Variants in ANKRD36 observed in about 807,000 individuals in gnomAD.
ANKRD36 encodes ankyrin repeat domain 36.
A neutral mutation model predicts 278.1 loss-of-function variants in ANKRD36; 179 were observed. That is an observed-to-expected ratio of 0.64 (90% CI 0.57 to 0.73). The LOEUF (loss-of-function observed/expected upper bound fraction) is 0.73, where lower values mean the gene tolerates loss of function less well. Ranked by LOEUF, ANKRD36 falls within the 30% of genes least tolerant of loss-of-function variation. The probability of loss-of-function intolerance (pLI) is 0.00; values close to 1 mark genes in which losing one functional copy is unlikely to be tolerated. For missense variants in ANKRD36, 1,159 were observed against 1,956.7 expected (o/e 0.59, Z 7.69); for synonymous variants, 320 against 641.1 (o/e 0.50, Z 7.57).
chr2:97,215,708 A>G, intron 62 of ANKRD36: 1 of 1,392,162 alleles, frequency 7.2e-7, no homozygotes, highest in South Asian at 1.3e-5. Context: ...CCTACATTGA[A>G]ATTGGGAAGA....
At chr2:97,176,870 C>G (rs1173454772) in intron 22 of ANKRD36, among the ~76,000 whole-genome samples, 1 of 151,638 alleles carries the variant, frequency 6.6e-6, no homozygotes, top group African/African-American at 2.4e-5. Context: ...TATTTTATTT[C>G]TCCTTCACTT....
intron 44 of ANKRD36, among the ~76,000 whole-genome samples, chr2:97,199,016 T>C (rs1425729992): frequency 6.6e-6 from 1 of 151,892 alleles, no homozygotes; most frequent in East Asian, 1.9e-4. Flanking sequence ...CAGCTCGCAC[T>C]GCCAAGAAAA....
intron 32 of ANKRD36, 120 bp from the exon 33 acceptor site, chr2:97,188,967 A>C (rs1320646751): frequency 3.9e-6 from 2 of 518,052 alleles, no homozygotes; most frequent in African/African-American, 3.2e-5. Flanking sequence ...AAAGTAGAAG[A>C]CATCAGAGCC....
At chr2:97,207,305 A>T (rs74214252) in intron 52 of ANKRD36, among the ~76,000 whole-genome samples, 3,271 of 151,594 alleles carry the variant, frequency 0.022, 112 homozygotes, top group African/African-American at 0.068. Context: ...GGTCACTTCC[A>T]CTGAAGAGAT....
At chr2:97,187,172 G>T in intron 30 of ANKRD36, 26 bp from the exon 31 acceptor site, 2 of 1,608,992 alleles carry the variant, frequency 1.2e-6, no homozygotes, top group Non-Finnish European at 1.7e-6. Flanking sequence ...ACATATGAGT[G>T]ATTATGTATC....
At position 97,194,291 on chromosome 2, in the gene ANKRD36, G is replaced by C. The variant is rs1398010234; in HGVS notation, c.2450-435G>C. ...GTGTGCCTTCTCATTTATTGGGCAAGTTAAAGAGCATGAAAAATGTTTGTA... is the reference window on the plus strand; with the variant it reads ...GTGTGCCTTCTCATTTATTGGGCAACTTAAAGAGCATGAAAAATGTTTGTA... On this transcript the variant is annotated intron_variant, in intron 38 of 75. Transcript: ENST00000420699. 1.3e-4 allele frequency among the ~76,000 whole-genome samples: 20 copies of C among 151,568 alleles called. No homozygotes were observed. In the Admixed American group the frequency reaches 1.3e-3, roughly 10 times the overall value.
intron 48 of ANKRD36, among the ~76,000 whole-genome samples, chr2:97,202,671 C>G (rs2061714945): frequency 6.6e-6 from 1 of 151,802 alleles, no homozygotes; most frequent in African/African-American, 2.4e-5. Context: ...CATAGTTTTG[C>G]TTTAATCCTC....
chr2:97,152,388 C>G (rs2046294295), intron 13 of ANKRD36, 116 bp from the exon 14 acceptor site: 2 of 837,226 alleles, frequency 2.4e-6, no homozygotes, highest in Non-Finnish European at 3.6e-6. Context: ...ATACTTCTGC[C>G]TCAGCCTTCT....
At chr2:97,151,258 A>G (rs2045895480) in intron 12 of ANKRD36, among the ~76,000 whole-genome samples, 2 of 151,814 alleles carry the variant, frequency 1.3e-5, no homozygotes, top group Non-Finnish European at 2.9e-5. Flanking sequence ...ACAGCTTTCT[A>G]TTTAGTAGCT....
Position 97,202,183 on chromosome 2 carries a change from A to T in ANKRD36, c.2858-19A>T. 2.5e-6 allele frequency: 4 copies of T among 1,609,006 alleles called. No individual in the cohort carries two copies. The highest frequency in any genetic ancestry group is 3.4e-6 in the Non-Finnish European group (4 of 1,178,472). ...TCATATTTACGTATGACTGATTATG[A>T]ATCCCTTTTGCTTTTCAGTGTCTTC... On this transcript the variant is annotated intron_variant, in intron 46 of 75. Transcript: ENST00000420699.
intron 48 of ANKRD36, among the ~76,000 whole-genome samples, chr2:97,202,668 T>C (rs2061713999): frequency 6.6e-6 from 1 of 151,814 alleles, no homozygotes; most frequent in Non-Finnish European, 1.5e-5. Flanking sequence ...CAGCATAGTT[T>C]TGCTTTAATC....
In ANKRD36 at chr2:97,245,830, A is replaced by AGGACCTTGACAACTCTATCC; in HGVS notation, c.5165_5166insGGACCTTGACAACTCTATCC (p.Leu1723AspfsTer8). The AGGACCTTGACAACTCTATCC allele has an allele frequency of 2.3e-5, 12 of 530,898 alleles. No homozygotes were observed. In the East Asian group the frequency reaches 4.1e-4, roughly 18 times the overall value. 32.9% of individuals were successfully genotyped at this position (530,898 alleles called of 1,614,324 possible). Reference sequence around the variant, plus strand: ...ATAGAAAAACAGGAAAGATTTTGTCAACTAAAAAAACAAAATATGTTGCTT... The same window carrying AGGACCTTGACAACTCTATCC: ...ATAGAAAAACAGGAAAGATTTTGTCAGGACCTTGACAACTCTATCCACTAAAAAAACAAAATATGTTGCTT... On this transcript the variant is annotated frameshift_variant, in exon 71 of 76. Coordinates refer to ENST00000420699, the MANE Select transcript of ANKRD36 (RefSeq NM_001354587.1). LOFTEE classifies it high-confidence loss of function.
rs376458186 is a variant in ANKRD36 at position 97,130,858 on chromosome 2, T to C, written c.799+3724T>C. On this transcript the variant is annotated intron_variant, in intron 6 of 75. Transcript: ENST00000420699. ...TTGACAACTATATATGATTTTCTTT[T>C]AAGAGAATTAGCTACCTGTTCTAAA... Among the ~76,000 whole-genome samples, 59 of 152,222 alleles carry C rather than the reference T, an allele frequency of 3.9e-4. No homozygotes were observed. In the East Asian group the frequency reaches 8.1e-3, roughly 21 times the overall value.
chr2:97,174,640 T>A (rs2053687402), intron 22 of ANKRD36, among the ~76,000 whole-genome samples: 1 of 151,858 alleles, frequency 6.6e-6, no homozygotes, highest in South Asian at 2.1e-4. Context: ...CTAATTGCCC[T>A]GGCCAGAACT....
rs560685253 is a variant in ANKRD36 at position 97,228,127 on chromosome 2, G to T, written c.3951+3248G>T. Among the ~76,000 whole-genome samples, 16 of 152,206 alleles carry T rather than the reference G, an allele frequency of 1.1e-4. No individual in the cohort carries two copies. The East Asian group carries it at 2.9e-3, about 28-fold the overall frequency. On this transcript the variant is annotated intron_variant, in intron 67 of 75. Transcript: ENST00000420699. ...TTGGTTGTGTCTCTGCCCGGCTTTG[G>T]TATCAGGATGATGCTGGCCTCATAA...
At chr2:97,153,956 T>C (rs2046781395) in intron 14 of ANKRD36, among the ~76,000 whole-genome samples, 2 of 148,118 alleles carry the variant, frequency 1.4e-5, no homozygotes, top group Admixed American at 6.7e-5. Flanking sequence ...TTAAGCTTGC[T>C]GGTTTTTGTG....
At chr2:97,225,798 C>G (rs1358228721) in intron 67 of ANKRD36, among the ~76,000 whole-genome samples, 4 of 149,978 alleles carry the variant, frequency 2.7e-5, no homozygotes, top group African/African-American at 9.9e-5. Flanking sequence ...ACAACAGTCC[C>G]CAGAGTGTGA....
At chr2:97,227,305 G>A (rs2070149266) in intron 67 of ANKRD36, among the ~76,000 whole-genome samples, 1 of 152,118 alleles carries the variant, frequency 6.6e-6, no homozygotes, top group Non-Finnish European at 1.5e-5. Context: ...ATTTCCTTGA[G>A]CAGTGATTTG....
chr2:97,201,325 A>C (rs565054692), intron 46 of ANKRD36, among the ~76,000 whole-genome samples: 1 of 152,024 alleles, frequency 6.6e-6, no homozygotes, highest in East Asian at 1.9e-4. Context: ...CTTCTATAGA[A>C]AATAACATGA....
Sources: gnomAD v4.1 joint callset for allele counts (sites outside exome capture counted in the v4.1 genomes callset) on GRCh38, gnomAD v4.1.1 for gene constraint, MANE v1.5 for transcripts, NCBI Gene and HGNC (gene_info 2026-07-23, HGNC 2026-07-21) for gene names.